CDH8: variants seen among roughly 807,000 people sequenced by gnomAD.
CDH8 encodes cadherin 8.
Under a neutral mutation model 68.1 loss-of-function variants are expected in CDH8, and 17 were observed. That is an observed-to-expected ratio of 0.25 (90% confidence interval 0.17 to 0.37). The LOEUF is 0.37. Among genes scored for constraint, CDH8 ranks in the 10% least tolerant of loss-of-function variants. The pLI, the probability that CDH8 is intolerant of heterozygous loss-of-function variation, is 1.00. For missense variants in CDH8, 763 were observed against 999.3 expected (o/e 0.76, Z 3.19); for synonymous variants, 372 against 365.1 (o/e 1.02, Z -0.21).
In CDH8 at chr16:61,874,953, G is replaced by A. The variant is rs1019627166; in HGVS notation, c.548-17715C>T. Among the ~76,000 whole-genome samples the A allele has an allele frequency of 5.3e-5, 8 of 152,074 alleles. No homozygotes were observed. The East Asian group carries it at 9.7e-4, about 18-fold the overall frequency. ...TGCAAGACAGAGTGCTAGAATCTGG[G>A]GATTCAAGATTAGGCAAATAGGCAT... On this transcript the variant is annotated intron_variant, in intron 3 of 11. Transcript: ENST00000577390.
At chr16:62,035,739 T>C (rs1204615071) in intron 1 of CDH8, among the ~76,000 whole-genome samples, 1 of 151,844 alleles carries the variant, frequency 6.6e-6, no homozygotes, top group Non-Finnish European at 1.5e-5. Context: ...CGCGCCTGCC[T>C]GCGTTGGGAA....
chr16:61,820,616 G>A (rs73564359), intron 6 of CDH8, among the ~76,000 whole-genome samples: 4,749 of 152,000 alleles, frequency 0.031, 241 homozygotes, highest in African/African-American at 0.11. Flanking sequence ...TTCACAGGAT[G>A]TTGACTTCCC....
chr16:61,972,769 T>C (rs1410710065), intron 2 of CDH8, among the ~76,000 whole-genome samples: 2 of 152,128 alleles, frequency 1.3e-5, no homozygotes, highest in Non-Finnish European at 1.5e-5. Context: ...TTTTTCCTAT[T>C]GTCTTTTGAG....
intron 8 of CDH8, among the ~76,000 whole-genome samples, chr16:61,740,403 G>A (rs1959837899): frequency 6.6e-6 from 1 of 151,688 alleles, no homozygotes; most frequent in South Asian, 2.1e-4. Flanking sequence ...GTCAATTTTT[G>A]CATTTAAAGT....
intron 8 of CDH8, among the ~76,000 whole-genome samples, chr16:61,783,711 G>C (rs1961151164): frequency 6.6e-6 from 1 of 151,460 alleles, no homozygotes; most frequent in Non-Finnish European, 1.5e-5. Flanking sequence ...CCCTCAAAGG[G>C]AAGCCCATCA....
chr16:61,836,042 G>A (rs1962561352), intron 4 of CDH8, among the ~76,000 whole-genome samples: 1 of 151,914 alleles, frequency 6.6e-6, no homozygotes, highest in African/African-American at 2.4e-5. Flanking sequence ...ATAATTCACA[G>A]AGTATAATAG....
At chr16:61,668,438 G>T (rs1175017282) in intron 10 of CDH8, among the ~76,000 whole-genome samples, 1 of 151,982 alleles carries the variant, frequency 6.6e-6, no homozygotes, top group Non-Finnish European at 1.5e-5. Flanking sequence ...TCCACCTCAG[G>T]CATTGGGGAA....
rs10221137 is a variant in CDH8, at chr16:61,935,918, A to T, written c.253-34445T>A. 2.6e-3 allele frequency among the ~76,000 whole-genome samples: 399 copies of T among 152,270 alleles called. 1 individual carries two copies. The highest frequency in any genetic ancestry group is 9.4e-3 in the African/African-American group (391 of 41,548). The stretch of plus-strand genomic sequence containing the variant: ...ACATAGTCATAATGCTGGGAGCTAG[A>T]TCTTAAGAAAGTAAGAGAGTAGGCA... On this transcript the variant is annotated intron_variant, in intron 2 of 11. Coordinates refer to ENST00000577390, the MANE Select transcript of CDH8 (RefSeq NM_001796.5).
intron 8 of CDH8, among the ~76,000 whole-genome samples, chr16:61,740,551 C>G (rs757042549): frequency 6.6e-6 from 1 of 152,068 alleles, no homozygotes; most frequent in Admixed American, 6.6e-5. Flanking sequence ...TCATTTACCC[C>G]CTTCCAAGTC....
At chr16:61,892,847 T>C (rs2143203042) in intron 3 of CDH8, among the ~76,000 whole-genome samples, 1 of 152,250 alleles carries the variant, frequency 6.6e-6, no homozygotes, top group Middle Eastern at 3.4e-3. Context: ...AATTTATAAC[T>C]ATATTAAAAA....
chr16:61,689,735 A>C (rs942927031), intron 10 of CDH8, among the ~76,000 whole-genome samples: 4 of 152,080 alleles, frequency 2.6e-5, no homozygotes, highest in African/African-American at 4.8e-5. Context: ...GATGATAAGA[A>C]TAGCCAGATA....
At chr16:61,889,440 G>A (rs940482606) in intron 3 of CDH8, among the ~76,000 whole-genome samples, 4 of 152,096 alleles carry the variant, frequency 2.6e-5, no homozygotes, top group East Asian at 1.9e-4. Flanking sequence ...AAGGAGACTC[G>A]AGGAAATCCC....
intron 3 of CDH8, among the ~76,000 whole-genome samples, chr16:61,882,989 A>C (rs917583935): frequency 6.6e-6 from 1 of 152,220 alleles, no homozygotes; most frequent in African/African-American, 2.4e-5. Flanking sequence ...GCACTGTCCT[A>C]GGTGATACCT....
chr16:61,671,212 T>A (rs1963786116), intron 10 of CDH8, among the ~76,000 whole-genome samples: 1 of 152,126 alleles, frequency 6.6e-6, no homozygotes, highest in Admixed American at 6.6e-5. Context: ...TTTCTGGGGA[T>A]GGGCCCTGGG....
At chr16:61,695,827 T>A (rs927640941) in intron 10 of CDH8, among the ~76,000 whole-genome samples, 2 of 152,216 alleles carry the variant, frequency 1.3e-5, no homozygotes, top group African/African-American at 2.4e-5. Flanking sequence ...AGAGTTTTTT[T>A]AACTGATTTA....
chr16:61,832,376 AT>A (rs1271855119), intron 4 of CDH8, among the ~76,000 whole-genome samples: 19 of 135,608 alleles, frequency 1.4e-4, no homozygotes, highest in Admixed American at 2.2e-4. Context: ...AGATAGATAG[AT>A]AGATACATAG....
chr16:61,828,901 G>A (rs1962398096), intron 4 of CDH8, among the ~76,000 whole-genome samples: 1 of 151,766 alleles, frequency 6.6e-6, no homozygotes, highest in African/African-American at 2.4e-5. Context: ...CAAAGTTCTT[G>A]GTACACAGTA....
At position 61,655,629 on chromosome 16, in the gene CDH8, T is replaced by C. The variant is rs769764183; in HGVS notation, c.1747A>G (p.Asn583Asp). The C allele has an allele frequency of 2.4e-5, 39 of 1,613,522 alleles. No individual in the cohort carries two copies. Among genetic ancestry groups the C allele is most frequent in the Middle Eastern group, 3.3e-4 (2 of 6,084 alleles). Residue 583 changes from asparagine (N) to aspartate (D), a missense_variant, in exon 11 of 12, where the codon AAT becomes GAT. Physicochemically the swap from Asn to Asp is conservative, Grantham distance 23. Coordinates refer to ENST00000577390, the MANE Select transcript of CDH8 (RefSeq NM_001796.5). ...LLPIIISDSG[N>D]PPLSSTSTLT... is the part of the protein sequence containing the mutation. ...GTGCTAGTGCTGCTCAGTGGAGGAT[T>C]TCCACTATCACTGATTATGATTGGT... is the stretch of plus-strand genomic sequence containing the variant.
intron 8 of CDH8, among the ~76,000 whole-genome samples, chr16:61,756,480 T>TAC (rs372394623): frequency 2.4e-4 from 36 of 151,876 alleles, no homozygotes; most frequent in African/African-American, 8.0e-4. Context: ...GCAACAGAAA[T>TAC]ACACACACAC....
Sources: gnomAD v4.1 joint callset for allele counts (sites outside exome capture counted in the v4.1 genomes callset) on GRCh38, gnomAD v4.1.1 for gene constraint, MANE v1.5 for transcripts, NCBI Gene and HGNC (gene_info 2026-07-23, HGNC 2026-07-21) for gene names.